Variants in FAT3 observed in about 807,000 individuals in gnomAD.
The protein encoded by FAT3 is FAT atypical cadherin 3.
FAT3 carries 95 observed loss-of-function variants against 310.2 expected under a neutral mutation model. The ratio of observed to expected loss-of-function variants is 0.31; its 90% CI spans 0.26 to 0.36. The LOEUF is 0.36. FAT3 is among the 10% of genes least tolerant of loss of function. FAT3 has a pLI of 1.00. For missense variants in FAT3, 5,408 were observed against 5,715.6 expected, an observed-to-expected ratio of 0.95 and a Z score of 1.74; for synonymous variants, 2,314 against 2,192.9, an observed-to-expected ratio of 1.06 and a Z score of -1.54.
At chr11:92,633,336 A>G (rs928653631) in intron 3 of FAT3, among the ~76,000 whole-genome samples, 1 of 152,162 alleles carries the variant, frequency 6.6e-6, no homozygotes, top group African/African-American at 2.4e-5. Flanking sequence ...ATGTCCCCAG[A>G]TAACAGAAAA....
At position 92,888,837 on chromosome 11, in the gene FAT3, G is replaced by T. The variant is rs139858479; in HGVS notation, c.13052-352G>T. ...GGTCTTCCTCTGAGAGCCTTTGGGAGTTGTTAACGATAAATTAGCAAGAGC... is the reference window on the plus strand; with the variant it reads ...GGTCTTCCTCTGAGAGCCTTTGGGATTTGTTAACGATAAATTAGCAAGAGC... On this transcript the variant is annotated intron_variant, in intron 25 of 27. Coordinates refer to ENST00000525166, the MANE Select transcript of FAT3 (RefSeq NM_001367949.2). Among the ~76,000 whole-genome samples, 382 of 152,306 alleles carry T rather than the reference G, an allele frequency of 2.5e-3. 4 individuals are homozygous for T. In the East Asian group the frequency reaches 0.026, roughly 10 times the overall value.
chr11:92,298,046 G>A (rs1946896098), intron 1 of FAT3, among the ~76,000 whole-genome samples: 1 of 152,098 alleles, frequency 6.6e-6, no homozygotes, highest in Non-Finnish European at 1.5e-5. Context: ...AATGCGGGTG[G>A]TGAGGACATC....
chr11:92,536,022 C>T (rs1237413713), intron 3 of FAT3, among the ~76,000 whole-genome samples: 1 of 152,134 alleles, frequency 6.6e-6, no homozygotes, highest in Non-Finnish European at 1.5e-5. Context: ...AGTAGTTTAT[C>T]CATTGATTGT....
chr11:92,382,974 C>T (rs1022525077), intron 2 of FAT3, among the ~76,000 whole-genome samples: 10 of 152,130 alleles, frequency 6.6e-5, no homozygotes, highest in African/African-American at 1.7e-4. Flanking sequence ...CTATTCTTCC[C>T]GATGCTCTCC....
intron 2 of FAT3, among the ~76,000 whole-genome samples, chr11:92,482,154 AAG>A (rs1359930693): frequency 6.6e-6 from 1 of 152,182 alleles, no homozygotes; most frequent in Non-Finnish European, 1.5e-5. Flanking sequence ...TTAATATAGT[AAG>A]AATGCTCTAT....
At chr11:92,262,405 A>T in intron 1 of FAT3, among the ~76,000 whole-genome samples, 1 of 152,116 alleles carries the variant, frequency 6.6e-6, no homozygotes, top group Non-Finnish European at 1.5e-5. Flanking sequence ...CAAAGGAGTT[A>T]TTTGACATAT....
At chr11:92,365,124 G>C (rs1461189040) in intron 2 of FAT3, among the ~76,000 whole-genome samples, 1 of 152,084 alleles carries the variant, frequency 6.6e-6, no homozygotes, top group African/African-American at 2.4e-5. Flanking sequence ...AAAAAATTTA[G>C]CTGGGCATGG....
intron 3 of FAT3, among the ~76,000 whole-genome samples, chr11:92,563,264 T>C (rs1467979152): frequency 3.0e-5 from 1 of 32,956 alleles, no homozygotes; most frequent in Non-Finnish European, 7.0e-5. Flanking sequence ...ATATGGACTA[T>C]ATATATAAGC....
intron 1 of FAT3, among the ~76,000 whole-genome samples, chr11:92,232,329 T>G (rs756243770): frequency 7.9e-5 from 12 of 152,204 alleles, no homozygotes; most frequent in African/African-American, 2.7e-4. Flanking sequence ...AAGTGTGTGG[T>G]AATCTCTCTT....
chr11:92,749,878 T>A (rs1244042255), intron 4 of FAT3, among the ~76,000 whole-genome samples: 3 of 152,218 alleles, frequency 2.0e-5, no homozygotes, highest in Non-Finnish European at 4.4e-5. Flanking sequence ...TTTAAATCAA[T>A]CAGATCCAAG....
intron 2 of FAT3, among the ~76,000 whole-genome samples, chr11:92,476,267 A>AATTGACCATCAAC (rs1952050812): frequency 6.6e-6 from 1 of 152,322 alleles, no homozygotes; most frequent in South Asian, 2.1e-4. Context: ...ACCTGAAAGC[A>AATTGACCATCAAC]ATTGACCAGA....
chr11:92,579,443 A>T (rs545402327), intron 3 of FAT3, among the ~76,000 whole-genome samples: 104 of 152,178 alleles, frequency 6.8e-4, no homozygotes, highest in Non-Finnish European at 4.1e-4. Context: ...AAATTTATGA[A>T]ATCTCTTTTT....
In FAT3 at chr11:92,894,953, C is replaced by T. The variant is rs934523663; in HGVS notation, c.*3840C>T. 3 of 152,192 alleles carry T rather than the reference C, an allele frequency of 2.0e-5. No homozygotes were observed. The highest frequency in any genetic ancestry group is 2.0e-4 in the Admixed American group (3 of 15,272). The allele number at this position is 152,192 out of a possible 1,614,324, so 9.4% of individuals were successfully genotyped here. A position where few individuals can be genotyped will look rare whatever the true frequency, so the allele number is the denominator to read the frequency against. On this transcript the variant is annotated 3_prime_UTR_variant, in exon 28 of 28. Coordinates refer to ENST00000525166, the MANE Select transcript of FAT3 (RefSeq NM_001367949.2). ...CCCACCCCACCCTATCCACTACCCC[C>T]ACTGATGCTATGTTTGCATCATCAA...
At chr11:92,748,752 C>G (rs1156442072) in intron 4 of FAT3, 1 of 152,120 alleles carries the variant, frequency 6.6e-6, no homozygotes, top group Non-Finnish European at 1.5e-5. Context: ...ATAAGAGAAA[C>G]CACATGTAAT....
intron 4 of FAT3, among the ~76,000 whole-genome samples, chr11:92,750,972 AC>A (rs1171897681): frequency 6.6e-6 from 1 of 152,220 alleles, no homozygotes; most frequent in East Asian, 1.9e-4. Flanking sequence ...TTTGGAATGA[AC>A]AGTGAATTGT....
At chr11:92,889,387 T>A (rs886348371) in intron 26 of FAT3, 139 bp downstream of exon 26, 2 of 441,556 alleles carry the variant, frequency 4.5e-6, no homozygotes, top group Admixed American at 4.2e-5. Context: ...TATTTATGGA[T>A]CTGTTTTAAA....
chr11:92,425,866 T>A (rs1205350943), intron 2 of FAT3, among the ~76,000 whole-genome samples: 2 of 152,154 alleles, frequency 1.3e-5, no homozygotes, highest in African/African-American at 4.8e-5. Context: ...GTCTTTATAA[T>A]AGAATGATTT....
chr11:92,566,796 C>T lies in FAT3; in HGVS notation c.3607+41848C>T, dbSNP rs548217761. ...AAAACAAGCAATGGGAAAGGATTCC[C>T]TATTTAATAAATGGTGCTGGGAAAA... On this transcript the variant is annotated intron_variant, in intron 3 of 27. Transcript: ENST00000525166. Among the ~76,000 whole-genome samples the T allele has an allele frequency of 2.0e-5, 3 of 152,282 alleles. No homozygotes were observed. The East Asian group carries it at 5.8e-4, about 29-fold the overall frequency.
chr11:92,264,803 A>G (rs2134316875), intron 1 of FAT3, among the ~76,000 whole-genome samples: 1 of 152,208 alleles, frequency 6.6e-6, no homozygotes, highest in Admixed American at 6.5e-5. Context: ...CTTCACTGAC[A>G]TCTTTTCTTT....
Sources: allele counts gnomAD v4.1 joint callset (sites outside exome capture counted in the v4.1 genomes callset), GRCh38; gene constraint gnomAD v4.1.1; transcripts MANE v1.5; gene names NCBI Gene and HGNC (gene_info 2026-07-23, HGNC 2026-07-21).